NRG3: variants seen among roughly 807,000 people sequenced by gnomAD.
NRG3 encodes pro-neuregulin-3, membrane-bound isoform.
Under a neutral mutation model 66.9 loss-of-function variants are expected in NRG3, and 31 were observed. That is an observed-to-expected ratio of 0.46 (90% CI 0.35 to 0.63). The LOEUF (loss-of-function observed/expected upper bound fraction) is 0.63, where lower values mean the gene tolerates loss of function less well. Among genes scored for constraint, NRG3 ranks in the 20% least tolerant of loss-of-function variants. NRG3 has a pLI of 0.00. For synonymous variants in NRG3, 393 were observed against 359.4 expected (o/e 1.09, Z -1.06); for missense variants, 910 against 878.9 (o/e 1.04, Z -0.45).
chr10:82,631,124 C>CT (rs1307806851), intron 2 of NRG3, among the ~76,000 whole-genome samples: 2 of 152,150 alleles, frequency 1.3e-5, no homozygotes, highest in Non-Finnish European at 2.9e-5. Context: ...AGTCATTACT[C>CT]TGTCTGCTGA....
chr10:81,981,335 T>C (rs1003696072), intron 1 of NRG3, among the ~76,000 whole-genome samples: 3 of 152,230 alleles, frequency 2.0e-5, no homozygotes, highest in East Asian at 3.9e-4. Flanking sequence ...GGAATAAATA[T>C]GAAAGAAGAA....
chr10:81,921,569 A>G (rs1457254888), intron 1 of NRG3, among the ~76,000 whole-genome samples: 1 of 152,040 alleles, frequency 6.6e-6, no homozygotes, highest in African/African-American at 2.4e-5. Flanking sequence ...TATGCCTACT[A>G]TGTTTATGAT....
intron 4 of NRG3, among the ~76,000 whole-genome samples, chr10:82,942,041 A>G (rs1848622385): frequency 6.6e-6 from 1 of 150,652 alleles, no homozygotes; most frequent in African/African-American, 2.5e-5. Flanking sequence ...ACCTCACACT[A>G]CTTGAAGATC....
chr10:82,358,689 G>C, intron 1 of NRG3, 50 bp from the exon 2 acceptor site: 1 of 1,609,952 alleles, frequency 6.2e-7, no homozygotes, highest in Non-Finnish European at 8.5e-7. Flanking sequence ...GGAGTTGTTG[G>C]TGTCAGAATG....
chr10:82,248,973 G>A (rs73304663), intron 1 of NRG3, among the ~76,000 whole-genome samples: 3,582 of 152,108 alleles, frequency 0.024, 142 homozygotes, highest in African/African-American at 0.081. Context: ...CTAGAATTGT[G>A]CTTTCCTTCC....
At chr10:81,951,237 GT>G (rs1415727824) in intron 1 of NRG3, among the ~76,000 whole-genome samples, 2 of 152,252 alleles carry the variant, frequency 1.3e-5, no homozygotes, top group Middle Eastern at 3.4e-3. Context: ...TCTTTCTGAA[GT>G]GGTTTTCTCA....
rs1845640093 is a variant in NRG3, at chr10:81,915,705, A to G, written c.823+39542A>G. 3.3e-5 allele frequency among the ~76,000 whole-genome samples: 5 copies of G among 152,130 alleles called. No individual in the cohort carries two copies. The South Asian group carries it at 1.0e-3, about 31-fold the overall frequency. On this transcript the variant is annotated intron_variant, in intron 1 of 8. Coordinates refer to ENST00000372141, the MANE Select transcript of NRG3 (RefSeq NM_001010848.4). ...GAGATGTGGAGGACACCTGGAGTTT[A>G]TCTAGCACCTCTCTGTGAGATCCCT...
chr10:82,950,473 G>T (rs114247683), intron 4 of NRG3, among the ~76,000 whole-genome samples: 1,535 of 152,220 alleles, frequency 0.01, 34 homozygotes, highest in African/African-American at 0.035. Flanking sequence ...TTCTTTATTG[G>T]TGTCCATTTG....
At position 82,016,228 on chromosome 10, in the gene NRG3, T is replaced by C. The variant is rs1203471147; in HGVS notation, c.823+140065T>C. Among the ~76,000 whole-genome samples the C allele has an allele frequency of 2.6e-4, 40 of 152,026 alleles. 1 individual carries two copies. Among genetic ancestry groups the C allele is most frequent in the Non-Finnish European group, 4.4e-5 (3 of 68,014 alleles). The stretch of plus-strand genomic sequence containing the variant: ...GTAGAAGTGTTATAATCAAGTGTAT[T>C]TTTAATGGAAGCCCATAGAATGTGC... On this transcript the variant is annotated intron_variant, in intron 1 of 8. Coordinates refer to ENST00000372141, the MANE Select transcript of NRG3 (RefSeq NM_001010848.4).
chr10:82,024,796 A>G (rs1291804634), intron 1 of NRG3, among the ~76,000 whole-genome samples: 1 of 152,118 alleles, frequency 6.6e-6, no homozygotes, highest in Non-Finnish European at 1.5e-5. Flanking sequence ...CAGTGATTCA[A>G]CTGTGTTCAG....
At chr10:82,142,349 C>T (rs1346556812) in intron 1 of NRG3, among the ~76,000 whole-genome samples, 1 of 152,088 alleles carries the variant, frequency 6.6e-6, no homozygotes, top group Non-Finnish European at 1.5e-5. Context: ...GTTGAAATAG[C>T]AAATAGTCAA....
At chr10:82,469,469 G>C (rs1841019580) in intron 2 of NRG3, among the ~76,000 whole-genome samples, 1 of 150,920 alleles carries the variant, frequency 6.6e-6, no homozygotes, top group Non-Finnish European at 1.5e-5. Context: ...CTTAGTGGTG[G>C]TGGTGGTGGT....
chr10:82,365,377 A>G (rs2084458186), intron 2 of NRG3, among the ~76,000 whole-genome samples: 1 of 152,240 alleles, frequency 6.6e-6, no homozygotes, highest in African/African-American at 2.4e-5. Flanking sequence ...AGAATTTGCA[A>G]GTTCATCAAA....
chr10:82,671,728 C>T (rs1055636907), intron 2 of NRG3, among the ~76,000 whole-genome samples: 2 of 152,208 alleles, frequency 1.3e-5, no homozygotes, highest in South Asian at 2.1e-4. Flanking sequence ...GATGAACCAA[C>T]TCAGTTGAAA....
intron 3 of NRG3, among the ~76,000 whole-genome samples, chr10:82,807,154 C>T (rs1242422982): frequency 3.3e-5 from 5 of 152,114 alleles, no homozygotes; most frequent in Admixed American, 6.5e-5. Context: ...ATTTCTTTCC[C>T]TCTAATCATG....
At chr10:82,299,171 G>A (rs11193542) in intron 1 of NRG3, among the ~76,000 whole-genome samples, 21,001 of 152,134 alleles carry the variant, frequency 0.14, 1,565 homozygotes, top group East Asian at 0.24. Context: ...GCAGCCAAGT[G>A]AGAGGCAAGA....
chr10:82,979,207 T>G lies in NRG3; in HGVS notation c.1583+87T>G, dbSNP rs548762381. The G allele has an allele frequency of 2.5e-3, 3,417 of 1,357,820 alleles. 8 individuals carry two copies. The highest frequency in any genetic ancestry group is 3.2e-3 in the Non-Finnish European group (3,138 of 979,980). The allele number at this position is 1,357,820 out of a possible 1,614,324, so 84.1% of individuals were successfully genotyped here. A position where few individuals can be genotyped will look rare whatever the true frequency, so the allele number is the denominator to read the frequency against. On this transcript the variant is annotated intron_variant, in intron 8 of 8. Coordinates refer to ENST00000372141, the MANE Select transcript of NRG3 (RefSeq NM_001010848.4). ...AAGTTTTAAGTTCCTTGGGGTTTTA[T>G]TCATTGATTTATTCATTAACTGGCT...
intron 5 of NRG3, among the ~76,000 whole-genome samples, chr10:82,953,967 A>AAC (rs1849777856): frequency 6.6e-6 from 1 of 151,466 alleles, no homozygotes; most frequent in African/African-American, 2.4e-5. Flanking sequence ...CAAAAAAAAA[A>AAC]AAACAATGCA....
intron 3 of NRG3, among the ~76,000 whole-genome samples, chr10:82,770,160 A>G (rs1047440873): frequency 2.6e-5 from 4 of 152,170 alleles, no homozygotes; most frequent in Non-Finnish European, 4.4e-5. Context: ...TTTTTTAAAT[A>G]TGAAAATGAA....
Sources: allele counts gnomAD v4.1 joint callset (sites outside exome capture counted in the v4.1 genomes callset), GRCh38; gene constraint gnomAD v4.1.1; transcripts MANE v1.5; gene names NCBI Gene and HGNC (gene_info 2026-07-23, HGNC 2026-07-21).